Variants in ANKRD11 observed in about 807,000 individuals in gnomAD.
ANKRD11 encodes the protein ankyrin repeat domain-containing protein 11.
A neutral mutation model predicts 195.7 loss-of-function variants in ANKRD11; 17 were observed. The ratio of observed to expected loss-of-function variants is 0.09; its 90% CI spans 0.06 to 0.13. ANKRD11 has a LOEUF of 0.13. ANKRD11 is among the 10% of genes least tolerant of loss of function. ANKRD11 has a pLI of 1.00. For synonymous variants in ANKRD11, 1,953 were observed against 1,528.1 expected (o/e 1.28, Z -6.49); for missense variants, 3,735 against 3,566.1 (o/e 1.05, Z -1.21).
At position 89,289,049 on chromosome 16, in the gene ANKRD11, G is replaced by A. The variant is rs183957641; in HGVS notation, c.602-379C>T. The A allele has an allele frequency of 7.2e-4, 231 of 322,964 alleles. 2 individuals carry two copies. Among genetic ancestry groups the A allele is most frequent in the African/African-American group, 4.6e-3 (216 of 46,784 alleles). 20.0% of individuals were successfully genotyped at this position (322,964 alleles called of 1,614,324 possible). On this transcript the variant is annotated intron_variant, in intron 6 of 12. Transcript: ENST00000301030. ...ACACGGAGGGGAAACCTCCCGTGTC[G>A]GAAACGGAAACCAAGGCTGAGAGCC...
chr16:89,482,122 A>G (rs1424644144), intron 1 of ANKRD11, among the ~76,000 whole-genome samples: 2 of 152,186 alleles, frequency 1.3e-5, no homozygotes, highest in African/African-American at 4.8e-5. Context: ...CTGTGAAGGA[A>G]ATCAGTGAAA....
chr16:89,465,512 C>G (rs536526152), intron 1 of ANKRD11, among the ~76,000 whole-genome samples: 1 of 152,158 alleles, frequency 6.6e-6, no homozygotes, highest in Admixed American at 6.5e-5. Context: ...ACCGCCCGCC[C>G]GCACACATCC....
At chr16:89,379,677 G>A (rs1382839278) in intron 2 of ANKRD11, among the ~76,000 whole-genome samples, 1 of 152,168 alleles carries the variant, frequency 6.6e-6, no homozygotes, top group Non-Finnish European at 1.5e-5. Context: ...ACTGGGACGC[G>A]AGCGCCCCAA....
At chr16:89,443,072 GA>G (rs2043599692) in intron 1 of ANKRD11, among the ~76,000 whole-genome samples, 1 of 151,952 alleles carries the variant, frequency 6.6e-6, no homozygotes, top group African/African-American at 2.4e-5. Context: ...GGCTCACTGC[GA>G]CCTCTGCCTC....
At position 89,305,588 on chromosome 16, in the gene ANKRD11, G is replaced by A. The variant is rs550724498; in HGVS notation, c.88-244C>T. ...TTCTCATCCTGCGCACCGGAGGGAC[G>A]CTCAGGAAATCGCTGGTGTGTGTGG... On this transcript the variant is annotated intron_variant, in intron 3 of 12. Transcript: ENST00000301030. Among the ~76,000 whole-genome samples, 19 of 152,164 alleles carry A rather than the reference G, an allele frequency of 1.2e-4. 1 individual carries two copies. Among genetic ancestry groups the A allele is most frequent in the African/African-American group, 3.9e-4 (16 of 41,492 alleles).
intron 2 of ANKRD11, among the ~76,000 whole-genome samples, chr16:89,392,016 C>A (rs962781656): frequency 1.3e-5 from 2 of 152,200 alleles, no homozygotes; most frequent in African/African-American, 4.8e-5. Context: ...CCACAAATTA[C>A]TTCCTCCTTC....
In ANKRD11 at chr16:89,282,175, A is replaced by G. The variant is rs766655310; in HGVS notation, c.4367T>C (p.Leu1456Pro). The G allele has an allele frequency of 1.5e-5, 25 of 1,613,054 alleles. No individual in the cohort carries two copies. The East Asian group carries it at 5.1e-4, about 33-fold the overall frequency. ...TTTCTCTCTCTTCTTCTTCTCTTTT[A>G]GGATGTTGATGGCACTAGATCCATA... Reference protein sequence around the residue: ...KPYGSSAINILKEKKKREKHR... With the variant: ...KPYGSSAINIPKEKKKREKHR... The change falls in exon 9 of 13, where the codon CTA (leucine) becomes CCA (proline). Residue 1456 changes from leucine to proline, a missense_variant. Leu to Pro is a moderately conservative substitution (Grantham distance 98). Coordinates refer to ENST00000301030, the MANE Select transcript of ANKRD11 (RefSeq NM_013275.6).
At chr16:89,477,104 T>C (rs1203243435) in intron 1 of ANKRD11, among the ~76,000 whole-genome samples, 1 of 152,126 alleles carries the variant, frequency 6.6e-6, no homozygotes, top group Non-Finnish European at 1.5e-5. Context: ...GTCTACTATT[T>C]AAAACACGAG....
rs2035010874 is a variant in ANKRD11, at chr16:89,290,795, G to A, written c.431C>T (p.Thr144Ile). Residue 144 changes from threonine (T) to isoleucine (I), a missense_variant, in exon 6 of 13, where the codon ACA becomes ATA. By Grantham distance (89) the Thr-to-Ile change is moderately conservative. Transcript: ENST00000301030. ...GTTGGGCGTTCCCTTCTGACACACTGTAGACTGGGAGGGGTGCTTTGGTGT... is the reference window on the plus strand; with the variant it reads ...GTTGGGCGTTCCCTTCTGACACACTATAGACTGGGAGGGGTGCTTTGGTGT... Reference protein sequence around the residue: ...DTTPKHPSQSTVCQKGTPNSA... With the variant: ...DTTPKHPSQSIVCQKGTPNSA... 19 of 1,613,926 alleles carry A rather than the reference G, an allele frequency of 1.2e-5. No individual in the cohort carries two copies. The highest frequency in any genetic ancestry group is 2.2e-5 in the East Asian group (1 of 44,894).
intron 6 of ANKRD11, among the ~76,000 whole-genome samples, chr16:89,289,868 C>T (rs1039298873): frequency 6.6e-6 from 1 of 152,076 alleles, no homozygotes; most frequent in Non-Finnish European, 1.5e-5. Context: ...AGTAAGACCC[C>T]GTCTCTACAA....
chr16:89,311,195 A>G (rs918018703), intron 3 of ANKRD11, among the ~76,000 whole-genome samples: 3 of 152,226 alleles, frequency 2.0e-5, no homozygotes. Flanking sequence ...ACTGATTGAT[A>G]TTGGAGGTTC....
chr16:89,282,260 T>C lies in ANKRD11; in HGVS notation c.4282A>G (p.Lys1428Glu). 6.2e-7 allele frequency: 1 copy of C among 1,614,208 alleles called. No individual in the cohort carries two copies. Among genetic ancestry groups the C allele is most frequent in the Non-Finnish European group, 8.5e-7 (1 of 1,180,036 alleles). ...KTIELFSTEKKDKNDSEREPS... is the reference protein window; with the variant it reads ...KTIELFSTEKEDKNDSEREPS... The stretch of plus-strand genomic sequence containing the variant: ...TCTCTCTCGGAATCATTTTTATCTT[T>C]CTTTTCGGTAGAAAACAATTCAATG... Residue 1428 changes from lysine (K) to glutamate (E), a missense_variant, in exon 9 of 13, where the codon AAA (lysine) becomes GAA (glutamate). By Grantham distance (56) the Lys-to-Glu change is moderately conservative (BLOSUM62 1). Transcript: ENST00000301030.
chr16:89,293,666 G>A (rs1358979981), intron 4 of ANKRD11, among the ~76,000 whole-genome samples: 1 of 129,882 alleles, frequency 7.7e-6, no homozygotes, highest in Non-Finnish European at 1.6e-5. Flanking sequence ...TGGTATTGGG[G>A]CTGCAGAGGG....
At chr16:89,305,652 C>T (rs1402407140) in intron 3 of ANKRD11, among the ~76,000 whole-genome samples, 3 of 130,446 alleles carry the variant, frequency 2.3e-5, no homozygotes, top group African/African-American at 5.9e-5. Flanking sequence ...CCTCTCACTC[C>T]GCAGACACGC....
intron 2 of ANKRD11, among the ~76,000 whole-genome samples, chr16:89,378,591 C>CAACT (rs2040516889): frequency 2.0e-5 from 3 of 152,178 alleles, no homozygotes; most frequent in Admixed American, 2.0e-4. Context: ...TGAGAACACA[C>CAACT]AACTGGCCAG....
chr16:89,308,345 T>C (rs1473590983), intron 3 of ANKRD11, among the ~76,000 whole-genome samples: 2 of 152,206 alleles, frequency 1.3e-5, no homozygotes, highest in African/African-American at 4.8e-5. Context: ...AATTCCACAC[T>C]GTTTGTGATG....
intron 1 of ANKRD11, among the ~76,000 whole-genome samples, chr16:89,438,062 C>A (rs2043289197): frequency 6.6e-6 from 1 of 152,214 alleles, no homozygotes; most frequent in African/African-American, 2.4e-5. Flanking sequence ...GTGGCAGTGT[C>A]CCAAGGAGAG....
intron 3 of ANKRD11, among the ~76,000 whole-genome samples, chr16:89,306,393 C>T (rs1484194844): frequency 1.6e-5 from 1 of 62,860 alleles, no homozygotes; most frequent in African/African-American, 7.7e-5. Context: ...CCTCCCACTC[C>T]GCAGACACGC....
At chr16:89,315,683 T>C (rs2036912287) in intron 3 of ANKRD11, among the ~76,000 whole-genome samples, 1 of 152,190 alleles carries the variant, frequency 6.6e-6, no homozygotes, top group African/African-American at 2.4e-5. Flanking sequence ...GAGCAGACAC[T>C]TGGATGCTGC....
Sources: allele counts gnomAD v4.1 joint callset (sites outside exome capture counted in the v4.1 genomes callset), GRCh38; gene constraint gnomAD v4.1.1; transcripts MANE v1.5; gene names NCBI Gene and HGNC (gene_info 2026-07-23, HGNC 2026-07-21).